SPDYE10: variants seen among roughly 807,000 people sequenced by gnomAD.
SPDYE10 encodes the protein speedy protein E10.
the SPDYE10 span, among the ~76,000 whole-genome samples, chr7:73,127,946 A>C: frequency 7.4e-6 from 1 of 135,670 alleles, no homozygotes; most frequent in East Asian, 2.1e-4. Context: ...ACCATTCCAC[A>C]TACTATTCTA....
At chr7:73,126,759 C>T in the SPDYE10 span, among the ~76,000 whole-genome samples, 4 of 149,386 alleles carry the variant, frequency 2.7e-5, no homozygotes, top group Non-Finnish European at 5.9e-5. Context: ...CTCACTGTAG[C>T]CTCAAACTCC....
chr7:73,155,278 C>G, the SPDYE10 span: 2 of 419,718 alleles, frequency 4.8e-6, no homozygotes. Flanking sequence ...CCAGCGTCGC[C>G]AAGGAGAGTA....
chr7:73,137,281 C>T, the SPDYE10 span, among the ~76,000 whole-genome samples: 1 of 149,708 alleles, frequency 6.7e-6, no homozygotes, highest in African/African-American at 2.5e-5. Context: ...TTTGGGAGGC[C>T]GAGGCGGGTG....
the SPDYE10 span, among the ~76,000 whole-genome samples, chr7:73,123,807 C>CTCTCTT: frequency 6.6e-6 from 1 of 151,078 alleles, no homozygotes; most frequent in Non-Finnish European, 1.5e-5. Flanking sequence ...CTCTCTCTCT[C>CTCTCTT]TCTCTCTCTC....
the SPDYE10 span, among the ~76,000 whole-genome samples, chr7:73,130,901 T>TA: frequency 8.6e-6 from 1 of 116,524 alleles, no homozygotes; most frequent in Non-Finnish European, 1.7e-5. Flanking sequence ...GCAGGATATT[T>TA]ATTAAGCAGT....
the SPDYE10 span, among the ~76,000 whole-genome samples, chr7:73,126,881 A>G: frequency 1.3e-5 from 2 of 148,538 alleles, no homozygotes; most frequent in African/African-American, 5.0e-5. Context: ...TATGTTGCCC[A>G]GGATGGAAAT....
chr7:73,131,395 GAGA>G, the SPDYE10 span, among the ~76,000 whole-genome samples: 1 of 151,038 alleles, frequency 6.6e-6, no homozygotes, highest in South Asian at 2.1e-4. Context: ...GGGATATTGG[GAGA>G]AGGAGTTCCC....
At chr7:73,114,519 C>G in the SPDYE10 span, among the ~76,000 whole-genome samples, 1 of 150,734 alleles carries the variant, frequency 6.6e-6, no homozygotes, top group Non-Finnish European at 1.5e-5. Context: ...ATGTCACTCT[C>G]CCGATTTAAG....
At chr7:73,124,054 C>T in the SPDYE10 span, among the ~76,000 whole-genome samples, 28 of 150,210 alleles carry the variant, frequency 1.9e-4, no homozygotes, top group African/African-American at 5.7e-4. Context: ...AAGTTCTGGG[C>T]TTACAGACCT....
chr7:73,126,663 A>G, the SPDYE10 span, among the ~76,000 whole-genome samples: 2 of 147,436 alleles, frequency 1.4e-5, no homozygotes, highest in Non-Finnish European at 3.0e-5. Flanking sequence ...TCAAGGATAA[A>G]GAGGAATTTT....
the SPDYE10 span, among the ~76,000 whole-genome samples, chr7:73,132,327 C>T: frequency 6.7e-6 from 1 of 148,652 alleles, no homozygotes; most frequent in Admixed American, 6.8e-5. Context: ...GGGTGGATTG[C>T]TTAAGATCAG....
the SPDYE10 span, among the ~76,000 whole-genome samples, chr7:73,134,520 TAAAA>T: frequency 1.7e-3 from 6 of 3,546 alleles, no homozygotes; most frequent in Non-Finnish European, 9.3e-4. Flanking sequence ...TAAAGTATAA[TAAAA>T]AAGAAAGAAA....
chr7:73,150,907 AATATATATATATATATAT>A, the SPDYE10 span, among the ~76,000 whole-genome samples: 1 of 11,582 alleles, frequency 8.6e-5, no homozygotes, highest in Non-Finnish European at 1.4e-4. Flanking sequence ...AAAAAAAAAA[AATATATATATATATATAT>A]ATATATATAT....
chr7:73,150,941 TA>T, the SPDYE10 span, among the ~76,000 whole-genome samples: 2 of 20,672 alleles, frequency 9.7e-5, no homozygotes, highest in East Asian at 2.0e-3. Flanking sequence ...TATATATATA[TA>T]TATATATTTT....
chr7:73,123,898 C>T, the SPDYE10 span, among the ~76,000 whole-genome samples: 1 of 150,930 alleles, frequency 6.6e-6, no homozygotes, highest in African/African-American at 2.4e-5. Context: ...GCTGGGACTA[C>T]AGGTGCACAC....
the SPDYE10 span, among the ~76,000 whole-genome samples, chr7:73,132,845 TAC>T: frequency 7.3e-6 from 1 of 137,872 alleles, no homozygotes; most frequent in Non-Finnish European, 1.6e-5. Context: ...AAACGTGGCT[TAC>T]ATCTCATGAG....
the SPDYE10 span, among the ~76,000 whole-genome samples, chr7:73,134,502 C>A: frequency 2.8e-5 from 1 of 35,270 alleles, no homozygotes; most frequent in African/African-American, 1.5e-4. Context: ...CACATGTACC[C>A]TACAACTTAA....
the SPDYE10 span, among the ~76,000 whole-genome samples, chr7:73,137,626 GAAAGAA>G: frequency 3.7e-5 from 5 of 135,978 alleles, no homozygotes; most frequent in African/African-American, 1.5e-4. Context: ...AAGAAAGAAA[GAAAGAA>G]AGAAAGAAAG....
chr7:73,145,144 TTTTC>T, the SPDYE10 span, among the ~76,000 whole-genome samples: 12,985 of 125,928 alleles, frequency 0.1, 7 homozygotes, highest in Non-Finnish European at 0.14. Flanking sequence ...TTCTTTCTCT[TTTTC>T]TTTCTTTCTT....
Sources: allele counts gnomAD v4.1 joint callset (sites outside exome capture counted in the v4.1 genomes callset), GRCh38; gene constraint gnomAD v4.1.1; transcripts MANE v1.5; gene names NCBI Gene and HGNC (gene_info 2026-07-23, HGNC 2026-07-21).